The following NRXN3 variants were observed in gnomAD, a reference collection of about 807,000 sequenced individuals.
NRXN3 encodes the protein neurexin III.
A neutral mutation model predicts 137.6 loss-of-function variants in NRXN3; 32 were observed. The ratio of observed to expected loss-of-function variants is 0.23; its 90% CI spans 0.18 to 0.31. The LOEUF (loss-of-function observed/expected upper bound fraction) is 0.31. Ranked by LOEUF, NRXN3 falls within the 10% of genes least tolerant of loss-of-function variation. The probability of loss-of-function intolerance (pLI) is 1.00; values close to 1 mark genes in which losing one functional copy is unlikely to be tolerated. For synonymous variants in NRXN3, 798 were observed against 784.5 expected, an observed-to-expected ratio of 1.02 and a Z score of -0.29; for missense variants, 1,574 against 2,062.5, an observed-to-expected ratio of 0.76 and a Z score of 4.59.
intron 8 of NRXN3, among the ~76,000 whole-genome samples, chr14:78,732,451 C>G (rs2098520672): frequency 6.6e-6 from 1 of 152,114 alleles, no homozygotes; most frequent in African/African-American, 2.4e-5. Context: ...GTTTTTTATC[C>G]TTTCTGTTAA....
At chr14:78,416,761 T>C (rs1012484557) in intron 4 of NRXN3, among the ~76,000 whole-genome samples, 2 of 152,204 alleles carry the variant, frequency 1.3e-5, no homozygotes, top group East Asian at 3.8e-4. Context: ...TTGTCCACAG[T>C]CAGAACTGAG....
In NRXN3 at chr14:78,714,766, A is replaced by G; in HGVS notation, c.1671A>G (p.Ser557=). ...IQRDGRSGTI[S]VNSRRTPFTA... ...GTCTTCCCACCCCAGGTACTATATC[A>G]GTGAACAGCAGGCGCACGCCATTCA... The change falls in exon 8 of 21, where the codon TCA becomes TCG. Residue 557 remains serine, a synonymous_variant. Transcript: ENST00000335750. The G allele has an allele frequency of 6.2e-7, 1 of 1,613,670 alleles. No homozygotes were observed. Among genetic ancestry groups the G allele is most frequent in the Non-Finnish European group, 8.5e-7 (1 of 1,179,688 alleles).
intron 19 of NRXN3, among the ~76,000 whole-genome samples, chr14:79,716,454 T>C (rs991864018): frequency 6.6e-6 from 1 of 152,252 alleles, no homozygotes; most frequent in African/African-American, 2.4e-5. Flanking sequence ...TCTAGGTTTC[T>C]GGACTTTACA....
chr14:79,858,986 GA>G (rs764558511), intron 20 of NRXN3, among the ~76,000 whole-genome samples: 336 of 22,486 alleles, frequency 0.015, no homozygotes, highest in Admixed American at 0.07. Flanking sequence ...GTAAAAAAAA[GA>G]AAAAAAAAAA....
intron 10 of NRXN3, among the ~76,000 whole-genome samples, chr14:78,872,051 T>G (rs1280948654): frequency 1.3e-5 from 2 of 151,982 alleles, no homozygotes; most frequent in Non-Finnish European, 2.9e-5. Context: ...GCTATTACTT[T>G]CACTCTTTTA....
intron 4 of NRXN3, among the ~76,000 whole-genome samples, chr14:78,487,578 A>G (rs1459712320): frequency 6.6e-6 from 1 of 151,960 alleles, no homozygotes. Context: ...CCCCGTCTCT[A>G]CTAAAAATAC....
chr14:79,577,532 A>G (rs1364604), intron 16 of NRXN3, among the ~76,000 whole-genome samples: 24,316 of 152,134 alleles, frequency 0.16, 2,435 homozygotes, highest in African/African-American at 0.29. Flanking sequence ...TGAAGTCAGT[A>G]ACTTACTCCT....
rs553847064 is a variant in NRXN3 at position 78,531,046 on chromosome 14, T to C, written c.758-114074T>C. Among the ~76,000 whole-genome samples, 104 of 152,316 alleles carry C rather than the reference T, an allele frequency of 6.8e-4. No homozygotes were observed. In the South Asian group the frequency reaches 7.9e-3, roughly 12 times the overall value. On this transcript the variant is annotated intron_variant, in intron 4 of 20. Transcript: ENST00000335750. ...CATTTATTTTCTAATCTTTGATGCC[T>C]TTCCTTCATTTTCTTGAAGCACCTT...
chr14:79,768,551 C>T (rs1039560213), intron 19 of NRXN3, among the ~76,000 whole-genome samples: 1 of 152,186 alleles, frequency 6.6e-6, no homozygotes, highest in Non-Finnish European at 1.5e-5. Context: ...AACGGACCTG[C>T]CGCTGAGGGT....
chr14:78,407,588 G>A (rs543940830), intron 4 of NRXN3, among the ~76,000 whole-genome samples: 3 of 152,236 alleles, frequency 2.0e-5, no homozygotes, highest in African/African-American at 7.2e-5. Flanking sequence ...GGAGTCCTAG[G>A]CATTGACTCT....
At chr14:78,552,070 G>T (rs2096697286) in intron 4 of NRXN3, among the ~76,000 whole-genome samples, 1 of 151,976 alleles carries the variant, frequency 6.6e-6, no homozygotes, top group African/African-American at 2.4e-5. Context: ...AGTGGCATTT[G>T]TGTGGGGTGT....
chr14:79,559,930 A>C (rs777385217), intron 16 of NRXN3, among the ~76,000 whole-genome samples: 2 of 152,160 alleles, frequency 1.3e-5, no homozygotes, highest in Non-Finnish European at 2.9e-5. Context: ...GACTAAAAAT[A>C]ACAGAGTCCC....
intron 4 of NRXN3, among the ~76,000 whole-genome samples, chr14:78,563,635 A>G (rs1467021288): frequency 6.6e-6 from 1 of 152,232 alleles, no homozygotes; most frequent in Non-Finnish European, 1.5e-5. Flanking sequence ...ACCTACTGAG[A>G]TGCACTGACA....
intron 4 of NRXN3, among the ~76,000 whole-genome samples, chr14:78,574,302 G>T (rs1373025290): frequency 6.6e-6 from 1 of 152,266 alleles, no homozygotes; most frequent in Non-Finnish European, 1.5e-5. Flanking sequence ...GCACTGCCTA[G>T]TGAAGCTGTG....
rs11849655 is a variant in NRXN3 at position 79,628,850 on chromosome 14, T to C, written c.3445-34928T>C. On this transcript the variant is annotated intron_variant, in intron 16 of 20. Transcript: ENST00000335750. ...GTAGAAGCATTTCTAATCATAGTTA[T>C]ATTTTGAGTAATCTCTTCACAGTAG... Among the ~76,000 whole-genome samples, 1,372 of 152,322 alleles carry C rather than the reference T, an allele frequency of 9.0e-3. 19 individuals carry two copies. Among genetic ancestry groups the C allele is most frequent in the African/African-American group, 0.032 (1,312 of 41,564 alleles).
At chr14:79,613,504 A>G (rs1173113460) in intron 16 of NRXN3, among the ~76,000 whole-genome samples, 1 of 152,214 alleles carries the variant, frequency 6.6e-6, no homozygotes, top group Non-Finnish European at 1.5e-5. Flanking sequence ...TAGCCAAACC[A>G]CTTCTTAACT....
rs572218382 is a variant in NRXN3, at chr14:79,393,815, AAAAAAC to A, written c.3263-73389_3263-73384del. Among the ~76,000 whole-genome samples, 1,321 of 152,316 alleles carry A rather than the reference AAAAAAC, an allele frequency of 8.7e-3. 12 individuals carry two copies. Among genetic ancestry groups the A allele is most frequent in the African/African-American group, 0.03 (1,243 of 41,568 alleles). On this transcript the variant is annotated intron_variant, in intron 15 of 20. Transcript: ENST00000335750. ...TGGGTGACAGGGCGAGACTGTCTCA[AAAAAAC>A]AAAAACAAAAACAAAAGTTATAGTT... is the stretch of plus-strand genomic sequence containing the variant.
intron 8 of NRXN3, among the ~76,000 whole-genome samples, chr14:78,774,121 C>G (rs774769433): frequency 2.0e-5 from 3 of 152,026 alleles, no homozygotes; most frequent in Admixed American, 1.3e-4. Context: ...TATTTGCATG[C>G]TTTATACCTG....
At chr14:78,541,245 G>A (rs1369434521) in intron 4 of NRXN3, among the ~76,000 whole-genome samples, 1 of 152,108 alleles carries the variant, frequency 6.6e-6, no homozygotes, top group African/African-American at 2.4e-5. Context: ...TCACTTTCAG[G>A]GAAACCAATC....
Sources: allele counts gnomAD v4.1 joint callset (sites outside exome capture counted in the v4.1 genomes callset), GRCh38; gene constraint gnomAD v4.1.1; transcripts MANE v1.5; gene names NCBI Gene and HGNC (gene_info 2026-07-23, HGNC 2026-07-21).